LUZP2: variants seen among roughly 807,000 people sequenced by gnomAD.
The protein encoded by LUZP2 is leucine zipper protein 2.
A neutral mutation model predicts 51.6 loss-of-function variants in LUZP2; 52 were observed. That is an observed-to-expected ratio of 1.01 (90% CI 0.81 to 1.27). LUZP2 has a LOEUF of 1.27. LUZP2 is among the 50% of genes most tolerant of loss of function. LUZP2 has a pLI of 0.00. For synonymous variants in LUZP2, 154 were observed against 137.3 expected, an observed-to-expected ratio of 1.12 and a Z score of -0.85; for missense variants, 436 against 395.4, an observed-to-expected ratio of 1.10 and a Z score of -0.87.
Position 25,014,535 on chromosome 11 carries a change from G to T in LUZP2, c.765+31242G>T, listed in dbSNP as rs1350053217. Among the ~76,000 whole-genome samples, 32 of 152,164 alleles carry T rather than the reference G, an allele frequency of 2.1e-4. 1 individual carries two copies. The highest frequency in any genetic ancestry group is 2.0e-3 in the Admixed American group (30 of 15,272). ...GCATTTTTTCATGTGTCTGTTGGCT[G>T]CATAAATGACTTCTTTTGAGTAGTG... is the stretch of plus-strand genomic sequence containing the variant. On this transcript the variant is annotated intron_variant, in intron 9 of 11. Coordinates refer to ENST00000336930, the MANE Select transcript of LUZP2 (RefSeq NM_001009909.4).
intron 1 of LUZP2, among the ~76,000 whole-genome samples, chr11:24,537,254 T>C (rs1051759880): frequency 6.6e-6 from 1 of 151,956 alleles, no homozygotes; most frequent in Non-Finnish European, 1.5e-5. Flanking sequence ...GCTTGATGCA[T>C]AGTTGCTACA....
intron 1 of LUZP2, among the ~76,000 whole-genome samples, chr11:24,609,265 C>A (rs906849260): frequency 7.2e-5 from 11 of 152,164 alleles, no homozygotes; most frequent in African/African-American, 2.7e-4. Flanking sequence ...GAGAGATGAA[C>A]CCCAATCCTA....
chr11:25,039,560 A>G (rs1857974670), intron 9 of LUZP2, among the ~76,000 whole-genome samples: 1 of 152,074 alleles, frequency 6.6e-6, no homozygotes, highest in African/African-American at 2.4e-5. Context: ...GCCGGAGCTG[A>G]CCCATACTCA....
At chr11:24,647,525 T>C (rs938380061) in intron 1 of LUZP2, among the ~76,000 whole-genome samples, 21 of 152,030 alleles carry the variant, frequency 1.4e-4, no homozygotes, top group Admixed American at 1.3e-3. Flanking sequence ...TCATGAGAAA[T>C]AGTCTGTTCA....
chr11:24,551,343 C>A (rs1044977590), intron 1 of LUZP2, among the ~76,000 whole-genome samples: 2 of 151,908 alleles, frequency 1.3e-5, no homozygotes, highest in Non-Finnish European at 2.9e-5. Context: ...TAATAGAAGA[C>A]AATATATTGT....
At chr11:24,752,357 A>T (rs982626289) in intron 4 of LUZP2, among the ~76,000 whole-genome samples, 1 of 152,214 alleles carries the variant, frequency 6.6e-6, no homozygotes, top group African/African-American at 2.4e-5. Flanking sequence ...ACATTGTTCT[A>T]TACATATAAA....
At chr11:25,074,882 AC>A (rs1234391164) in intron 10 of LUZP2, among the ~76,000 whole-genome samples, 9 of 152,174 alleles carry the variant, frequency 5.9e-5, no homozygotes, top group African/African-American at 2.2e-4. Context: ...TCTGAGAAGA[AC>A]TACAATAAAT....
chr11:25,001,483 G>T (rs968277395), intron 9 of LUZP2, among the ~76,000 whole-genome samples: 2 of 152,144 alleles, frequency 1.3e-5, no homozygotes, highest in African/African-American at 4.8e-5. Context: ...TAGGAAACCT[G>T]CTGGGTTAAG....
At chr11:24,860,721 TGAAA>T (rs1033338550) in intron 5 of LUZP2, among the ~76,000 whole-genome samples, 1 of 151,930 alleles carries the variant, frequency 6.6e-6, no homozygotes, top group Non-Finnish European at 1.5e-5. Flanking sequence ...ACCTGACTAT[TGAAA>T]GAAAGACAAA....
intron 1 of LUZP2, among the ~76,000 whole-genome samples, chr11:24,629,906 G>A (rs1263175814): frequency 6.6e-6 from 1 of 151,728 alleles, no homozygotes. Flanking sequence ...GTATGATAAA[G>A]TACCACTGTG....
intron 7 of LUZP2, among the ~76,000 whole-genome samples, chr11:24,916,503 G>A (rs952840371): frequency 6.6e-6 from 1 of 151,930 alleles, no homozygotes; most frequent in Non-Finnish European, 1.5e-5. Flanking sequence ...CCCCACAACA[G>A]GCTGTGGTGT....
At chr11:24,961,478 A>C (rs1855403409) in intron 7 of LUZP2, among the ~76,000 whole-genome samples, 1 of 152,212 alleles carries the variant, frequency 6.6e-6, no homozygotes, top group African/African-American at 2.4e-5. Flanking sequence ...TTCTTGTTGA[A>C]TTGATCCCTT....
At chr11:24,982,594 G>A (rs547680287) in intron 8 of LUZP2, among the ~76,000 whole-genome samples, 7 of 151,754 alleles carry the variant, frequency 4.6e-5, no homozygotes, top group African/African-American at 1.2e-4. Context: ...GGATGCTGGG[G>A]TCTACTTGAG....
chr11:24,588,085 G>T (rs1853136306), intron 1 of LUZP2, among the ~76,000 whole-genome samples: 1 of 151,796 alleles, frequency 6.6e-6, no homozygotes, highest in Non-Finnish European at 1.5e-5. Flanking sequence ...TATTATTTTG[G>T]TATTTTTTAA....
chr11:24,653,147 C>A (rs1381361010), intron 1 of LUZP2, among the ~76,000 whole-genome samples: 1 of 151,982 alleles, frequency 6.6e-6, no homozygotes, highest in Non-Finnish European at 1.5e-5. Flanking sequence ...AGTGAAGGAG[C>A]ACAGAGGCCA....
chr11:24,699,220 C>G (rs1857345847), intron 1 of LUZP2, among the ~76,000 whole-genome samples: 1 of 151,882 alleles, frequency 6.6e-6, no homozygotes, highest in African/African-American at 2.4e-5. Flanking sequence ...GTGATTTAAC[C>G]TTTCTTCCAC....
chr11:24,741,933 A>C (rs1051642843), intron 4 of LUZP2, among the ~76,000 whole-genome samples: 4 of 17,420 alleles, frequency 2.3e-4, no homozygotes, highest in Non-Finnish European at 7.4e-4. Context: ...TATATATTAT[A>C]TATAAATATA....
chr11:24,575,809 C>A (rs1852625963), intron 1 of LUZP2, among the ~76,000 whole-genome samples: 1 of 152,094 alleles, frequency 6.6e-6, no homozygotes, highest in African/African-American at 2.4e-5. Context: ...TGCTTACCAG[C>A]ATTTTTGCCT....
chr11:24,700,056 C>CTTT (rs762849302), intron 1 of LUZP2, among the ~76,000 whole-genome samples: 1,028 of 95,976 alleles, frequency 0.011, 4 homozygotes, highest in Non-Finnish European at 0.013. Context: ...TTTTCCTCAA[C>CTTT]TTTTTTTTTT....
Sources: gnomAD v4.1 joint callset for allele counts (sites outside exome capture counted in the v4.1 genomes callset) on GRCh38, gnomAD v4.1.1 for gene constraint, MANE v1.5 for transcripts, NCBI Gene and HGNC (gene_info 2026-07-23, HGNC 2026-07-21) for gene names.